SLC5A1: variants seen among roughly 807,000 people sequenced by gnomAD.
SLC5A1 encodes solute carrier family 5 member 1.
Under a neutral mutation model 73.5 loss-of-function variants are expected in SLC5A1, and 42 were observed. The observed-to-expected ratio is 0.57, with a 90% CI of 0.45 to 0.74. The LOEUF (loss-of-function observed/expected upper bound fraction) is 0.74. Ranked by LOEUF, SLC5A1 falls within the 30% of genes least tolerant of loss-of-function variation. SLC5A1 has a pLI of 0.00. For synonymous variants in SLC5A1, 300 were observed against 317.4 expected (o/e 0.95, Z 0.58); for missense variants, 634 against 855.4 (o/e 0.74, Z 3.23).
Position 32,110,542 on chromosome 22 carries a change from A to G in SLC5A1, c.*329A>G. On this transcript the variant is annotated 3_prime_UTR_variant, in exon 15 of 15. Transcript: ENST00000266088. ...CTGTCTCAGGTAGATTCCGGGTGTC[A>G]GTGTGGTTTATAATCCTTGAATATT... 2.5e-6 allele frequency: 1 copy of G among 402,858 alleles called. No individual in the cohort carries two copies. Among genetic ancestry groups the G allele is most frequent in the Non-Finnish European group, 4.7e-6 (1 of 213,446 alleles). The allele number at this position is 402,858 out of a possible 1,614,324, so 25.0% of individuals were successfully genotyped here. A position where few individuals can be genotyped will look rare whatever the true frequency, so the allele number is the denominator to read the frequency against.
At chr22:32,055,709 C>T (rs182946668) in intron 2 of SLC5A1, among the ~76,000 whole-genome samples, 13 of 152,354 alleles carry the variant, frequency 8.5e-5, no homozygotes, top group Middle Eastern at 3.4e-3. Context: ...TCACTTCAAC[C>T]TTCTGATCCT....
chr22:32,057,611 C>A (rs1460516085), intron 2 of SLC5A1, among the ~76,000 whole-genome samples: 1 of 152,128 alleles, frequency 6.6e-6, no homozygotes, highest in Non-Finnish European at 1.5e-5. Flanking sequence ...TGAGTGTGCA[C>A]ATGCTGACTT....
intron 2 of SLC5A1, among the ~76,000 whole-genome samples, chr22:32,061,261 T>G (rs1418552179): frequency 6.6e-6 from 1 of 152,104 alleles, no homozygotes; most frequent in Non-Finnish European, 1.5e-5. Flanking sequence ...CTGTCTCTAC[T>G]AAAATTAGCT....
At chr22:32,096,057 G>A (rs1267026383) in intron 11 of SLC5A1, among the ~76,000 whole-genome samples, 1 of 152,094 alleles carries the variant, frequency 6.6e-6, no homozygotes, top group East Asian at 1.9e-4. Flanking sequence ...ACCTTCAGAG[G>A]GTCTGTGGAT....
chr22:32,085,168 T>A lies in SLC5A1; in HGVS notation c.1021+133T>A. On this transcript the variant is annotated intron_variant, in intron 9 of 14. Transcript: ENST00000266088. ...TCTCACTCTGTCACCCAGGCTGGAG[T>A]GCAGTGGTGTGATCATTGCTCACTG... is the stretch of plus-strand genomic sequence containing the variant. The A allele has an allele frequency of 5.6e-6, 6 of 1,069,756 alleles. No individual in the cohort carries two copies. The East Asian group carries it at 1.4e-4, about 25-fold the overall frequency. The allele number at this position is 1,069,756 out of a possible 1,614,324, so 66.3% of individuals were successfully genotyped here. A position where few individuals can be genotyped will look rare whatever the true frequency, so the allele number is the denominator to read the frequency against.
At position 32,112,283 on chromosome 22, in the gene SLC5A1, G is replaced by A. The variant is rs1371574333; in HGVS notation, c.*2070G>A. The A allele has an allele frequency of 6.6e-6, 1 of 152,092 alleles. No individual in the cohort carries two copies. Among genetic ancestry groups the A allele is most frequent in the Non-Finnish European group, 1.5e-5 (1 of 68,036 alleles). The allele number at this position is 152,092 out of a possible 1,614,324, so 9.4% of individuals were successfully genotyped here. ...GTATCACTGTTAGAAGGCTGCTTTGGGACATTCTGCAGCAGGGAGGAGGGA... is the reference window on the plus strand; with the variant it reads ...GTATCACTGTTAGAAGGCTGCTTTGAGACATTCTGCAGCAGGGAGGAGGGA... On this transcript the variant is annotated 3_prime_UTR_variant, in exon 15 of 15. Transcript: ENST00000266088.
intron 2 of SLC5A1, 111 bp from the exon 3 acceptor site, chr22:32,066,824 T>C: frequency 1.3e-6 from 1 of 764,002 alleles, no homozygotes; most frequent in Admixed American, 2.0e-5. Context: ...CCAGCCCACC[T>C]CTGCTCTTTC....
intron 14 of SLC5A1, among the ~76,000 whole-genome samples, chr22:32,109,299 T>C (rs1204065305): frequency 6.6e-6 from 1 of 152,170 alleles, no homozygotes. Context: ...AGTGGGCATT[T>C]GAAACCAGGT....
intron 5 of SLC5A1, among the ~76,000 whole-genome samples, chr22:32,081,434 C>G (rs1248468420): frequency 6.6e-6 from 1 of 152,148 alleles, no homozygotes; most frequent in Non-Finnish European, 1.5e-5. Context: ...TATGGACTCT[C>G]CAGCACTCAG....
intron 2 of SLC5A1, among the ~76,000 whole-genome samples, chr22:32,052,998 T>G (rs190022258): frequency 6.6e-6 from 1 of 152,318 alleles, no homozygotes; most frequent in Non-Finnish European, 1.5e-5. Context: ...TCTGTTTTTA[T>G]GCATAGAGAA....
chr22:32,091,777 C>T lies in SLC5A1; in HGVS notation c.1280+15C>T, dbSNP rs201945141. The stretch of plus-strand genomic sequence containing the variant: ...ATTGCCGGAAGGTAAATGCAGCTTC[C>T]CCCAAGCCACAAAAGCTTGAATGAT... On this transcript the variant is annotated intron_variant, in intron 11 of 14. Coordinates refer to ENST00000266088, the MANE Select transcript of SLC5A1 (RefSeq NM_000343.4). The T allele has an allele frequency of 1.9e-6, 3 of 1,613,330 alleles. No homozygotes were observed. Among genetic ancestry groups the T allele is most frequent in the East Asian group, 4.5e-5 (2 of 44,884 alleles).
intron 5 of SLC5A1, 60 bp from the exon 6 acceptor site, chr22:32,081,806 A>G: frequency 1.0e-6 from 1 of 1,003,718 alleles, no homozygotes; most frequent in South Asian, 1.3e-5. Flanking sequence ...TAGAGAGACT[A>G]CAGGCCCTGT....
Position 32,112,803 on chromosome 22 carries a change from C to A in SLC5A1, c.*2590C>A, listed in dbSNP as rs2094059762. On this transcript the variant is annotated 3_prime_UTR_variant, in exon 15 of 15. Coordinates refer to ENST00000266088, the MANE Select transcript of SLC5A1 (RefSeq NM_000343.4). ...GTTAGGTGGAATAAGTTCAGAAAATCAATTGTACAATGTATCAATTATAGT... is the reference window on the plus strand; with the variant it reads ...GTTAGGTGGAATAAGTTCAGAAAATAAATTGTACAATGTATCAATTATAGT... 1 of 151,990 alleles carries A rather than the reference C, an allele frequency of 6.6e-6. No homozygotes were observed. Among genetic ancestry groups the A allele is most frequent in the African/African-American group, 2.4e-5 (1 of 41,362 alleles). The allele number at this position is 151,990 out of a possible 1,614,324, so 9.4% of individuals were successfully genotyped here. A position where few individuals can be genotyped will look rare whatever the true frequency, so the allele number is the denominator to read the frequency against.
chr22:32,108,462 C>G (rs547232780), intron 14 of SLC5A1, among the ~76,000 whole-genome samples: 1 of 152,022 alleles, frequency 6.6e-6, no homozygotes, highest in Admixed American at 6.6e-5. Context: ...CATCAGTGAT[C>G]CTAGCTTATT....
Position 32,056,789 on chromosome 22 carries a change from C to G in SLC5A1, c.207+6775C>G, listed in dbSNP as rs16989809. 7.9e-3 allele frequency among the ~76,000 whole-genome samples: 1,196 copies of G among 152,288 alleles called. 18 individuals carry two copies. The highest frequency in any genetic ancestry group is 0.044 in the East Asian group (227 of 5,186). ...AAAGAAAAATGTTTCCTGAAATTAG[C>G]TGACTGCATTTTCCATTTGGGCTAT... On this transcript the variant is annotated intron_variant, in intron 2 of 14. Coordinates refer to ENST00000266088, the MANE Select transcript of SLC5A1 (RefSeq NM_000343.4).
In SLC5A1 at chr22:32,084,461, T is replaced by C; in HGVS notation, c.687T>C (p.Tyr229=). 2 of 1,614,228 alleles carry C rather than the reference T, an allele frequency of 1.2e-6. No individual in the cohort carries two copies. The highest frequency in any genetic ancestry group is 1.7e-6 in the Non-Finnish European group (2 of 1,180,002). The part of the protein sequence containing the change: ...TGFAFHEVGG[Y]DAFMEKYMKA... ...CAGCTTTTCACGAAGTGGGAGGCTA[T>C]GACGCCTTCATGGAAAAGTACATGA... Residue 229 remains tyrosine, a synonymous_variant, in exon 8 of 15, where the codon TAT becomes TAC. Transcript: ENST00000266088.
chr22:32,082,963 G>A, intron 6 of SLC5A1, 111 bp from the exon 7 acceptor site: 2 of 883,260 alleles, frequency 2.3e-6, no homozygotes, highest in Admixed American at 4.2e-5. Flanking sequence ...AACCACTGTG[G>A]GGATGTTCTC....
chr22:32,104,910 C>A lies in SLC5A1; in HGVS notation c.1771+19C>A. Reference sequence around the variant, plus strand: ...GAAATAGGTGACTTATGACCCAGAGCAGATCCTAAACCATAAAAGTTACTC... The same window carrying A: ...GAAATAGGTGACTTATGACCCAGAGAAGATCCTAAACCATAAAAGTTACTC... On this transcript the variant is annotated intron_variant, in intron 14 of 14. Transcript: ENST00000266088. The A allele has an allele frequency of 1.3e-6, 2 of 1,543,032 alleles. No individual in the cohort carries two copies. The highest frequency in any genetic ancestry group is 1.8e-6 in the Non-Finnish European group (2 of 1,115,314).
At chr22:32,073,175 A>C (rs767232686) in intron 5 of SLC5A1, among the ~76,000 whole-genome samples, 1 of 152,186 alleles carries the variant, frequency 6.6e-6, no homozygotes, top group Non-Finnish European at 1.5e-5. Flanking sequence ...TTTAGTGCTT[A>C]TATTTAGGGC....
Sources: gnomAD v4.1 joint callset for allele counts (sites outside exome capture counted in the v4.1 genomes callset) on GRCh38, gnomAD v4.1.1 for gene constraint, MANE v1.5 for transcripts, NCBI Gene and HGNC (gene_info 2026-07-23, HGNC 2026-07-21) for gene names.